NFIA: variants seen among roughly 807,000 people sequenced by gnomAD.
NFIA encodes nuclear factor I A, also known as nuclear factor 1 A-type.
Under a neutral mutation model 62.8 loss-of-function variants are expected in NFIA, and 8 were observed. The observed-to-expected ratio is 0.13, with a 90% CI of 0.07 to 0.23. The LOEUF (loss-of-function observed/expected upper bound fraction) is 0.23. NFIA is among the 10% of genes least tolerant of loss of function. The pLI is 1.00. For synonymous variants in NFIA, 235 were observed against 238.1 expected, an observed-to-expected ratio of 0.99 and a Z score of 0.12; for missense variants, 410 against 642.1, an observed-to-expected ratio of 0.64 and a Z score of 3.91.
intron 2 of NFIA, among the ~76,000 whole-genome samples, chr1:61,268,284 C>A (rs1300481607): frequency 6.6e-6 from 1 of 152,164 alleles, no homozygotes; most frequent in South Asian, 2.1e-4. Flanking sequence ...TACTCCTATC[C>A]TTTCACAGAA....
rs1668574659 is a variant in NFIA at position 61,462,226 on chromosome 1, C to T, written c.*6906C>T. ...CTCGCCACTGAGATACTAACTAGAC[C>T]TAGACTAGGAGCTTTATCAGGTTCT... On this transcript the variant is annotated 3_prime_UTR_variant, in exon 11 of 11. Coordinates refer to ENST00000403491, the MANE Select transcript of NFIA (RefSeq NM_001134673.4). 1 of 152,020 alleles carries T rather than the reference C, an allele frequency of 6.6e-6. No homozygotes were observed. Among genetic ancestry groups the T allele is most frequent in the Admixed American group, 6.5e-5 (1 of 15,280 alleles). 9.4% of individuals were successfully genotyped at this position (152,020 alleles called of 1,614,324 possible).
intron 2 of NFIA, among the ~76,000 whole-genome samples, chr1:61,101,084 A>G (rs973190418): frequency 2.0e-5 from 3 of 152,102 alleles, no homozygotes; most frequent in African/African-American, 7.2e-5. Flanking sequence ...AAGATGGTGC[A>G]GGTGCTTTCT....
At chr1:61,380,332 T>C (rs1241513800) in intron 6 of NFIA, among the ~76,000 whole-genome samples, 3 of 152,220 alleles carry the variant, frequency 2.0e-5, no homozygotes, top group Non-Finnish European at 4.4e-5. Flanking sequence ...AGTCTTTTTT[T>C]AAAAATCTGG....
intron 4 of NFIA, among the ~76,000 whole-genome samples, chr1:61,346,127 C>T (rs1339597348): frequency 6.6e-6 from 1 of 152,034 alleles, no homozygotes; most frequent in African/African-American, 2.4e-5. Context: ...TGCATCTCAA[C>T]CTAGATAGGG....
At chr1:61,176,820 T>A (rs1396922535) in intron 2 of NFIA, among the ~76,000 whole-genome samples, 2 of 152,130 alleles carry the variant, frequency 1.3e-5, no homozygotes, top group Non-Finnish European at 2.9e-5. Flanking sequence ...CAAGAGATAC[T>A]TGGGCTGGGC....
chr1:61,306,067 G>A (rs1323511435), intron 3 of NFIA, among the ~76,000 whole-genome samples: 2 of 151,454 alleles, frequency 1.3e-5, no homozygotes, highest in Non-Finnish European at 2.9e-5. Context: ...AGCCAGGATG[G>A]TCTCAATCTC....
intron 2 of NFIA, among the ~76,000 whole-genome samples, chr1:61,133,410 G>A (rs1647117235): frequency 6.6e-6 from 1 of 152,044 alleles, no homozygotes; most frequent in Non-Finnish European, 1.5e-5. Context: ...TTAAACTATA[G>A]TTATTATAAA....
intron 3 of NFIA, among the ~76,000 whole-genome samples, chr1:61,298,999 T>C (rs1009995064): frequency 1.3e-5 from 2 of 152,182 alleles, no homozygotes; most frequent in Non-Finnish European, 2.9e-5. Flanking sequence ...TTTTGAAATT[T>C]TTGAGACCTG....
chr1:61,080,471 A>G (rs577223480), upstream of NFIA, among the ~76,000 whole-genome samples: 608 of 152,342 alleles, frequency 4.0e-3, 6 homozygotes, highest in African/African-American at 0.014. Flanking sequence ...ACTCTGAACA[A>G]TAACTTTTCA....
At chr1:61,137,093 A>G (rs1647208907) in intron 2 of NFIA, among the ~76,000 whole-genome samples, 1 of 152,182 alleles carries the variant, frequency 6.6e-6, no homozygotes, top group African/African-American at 2.4e-5. Context: ...AATCTTATGG[A>G]TCAAGATAAG....
intron 2 of NFIA, among the ~76,000 whole-genome samples, chr1:61,133,962 C>CT (rs1219026540): frequency 6.6e-6 from 1 of 151,970 alleles, no homozygotes; most frequent in East Asian, 1.9e-4. Flanking sequence ...ATCTCTCTAA[C>CT]TAAAAATACA....
At chr1:61,333,623 G>A (rs574519414) in intron 4 of NFIA, among the ~76,000 whole-genome samples, 3 of 152,324 alleles carry the variant, frequency 2.0e-5, no homozygotes, top group Admixed American at 2.0e-4. Context: ...GTTAATCCTT[G>A]CAATAAGCTT....
chr1:61,087,929 G>A (rs1257918025), intron 1 of NFIA, among the ~76,000 whole-genome samples: 1 of 152,066 alleles, frequency 6.6e-6, no homozygotes, highest in African/African-American at 2.4e-5. Flanking sequence ...TTAATTTTCA[G>A]CAGTTTTTTT....
chr1:61,173,064 C>G (rs913435684), intron 2 of NFIA, among the ~76,000 whole-genome samples: 1 of 152,168 alleles, frequency 6.6e-6, no homozygotes, highest in Non-Finnish European at 1.5e-5. Context: ...CTTGTAAGTC[C>G]TACCCAGGGT....
At chr1:61,356,482 G>A (rs1381363801) in intron 5 of NFIA, among the ~76,000 whole-genome samples, 1 of 152,162 alleles carries the variant, frequency 6.6e-6, no homozygotes, top group Non-Finnish European at 1.5e-5. Flanking sequence ...GTTTAGCCCT[G>A]AGCTTCCTGG....
rs60735193 is a variant in NFIA, at chr1:61,379,402, CTTTTTTTTT to C, written c.947-3819_947-3811del. On this transcript the variant is annotated intron_variant, in intron 6 of 10. Coordinates refer to ENST00000403491, the MANE Select transcript of NFIA (RefSeq NM_001134673.4). ...CACACTCAGCTAACTTTTTCTTTTT[CTTTTTTTTT>C]TTTTTTTTTTTTTTTGAGATGGAAT... Among the ~76,000 whole-genome samples the C allele has an allele frequency of 1.2e-3, 114 of 98,252 alleles. 1 individual carries two copies. The highest frequency in any genetic ancestry group is 1.9e-3 in the Non-Finnish European group (98 of 51,260). 64.5% of individuals were successfully genotyped at this position (98,252 alleles called of 152,430 possible).
chr1:61,328,268 CT>C (rs1358326618), intron 3 of NFIA, among the ~76,000 whole-genome samples: 1 of 151,968 alleles, frequency 6.6e-6, no homozygotes, highest in Non-Finnish European at 1.5e-5. Context: ...GCCTCAGGGC[CT>C]TTGCTCATGT....
At chr1:61,436,602 A>G (rs1015877689) in intron 10 of NFIA, among the ~76,000 whole-genome samples, 5 of 152,196 alleles carry the variant, frequency 3.3e-5, no homozygotes, top group African/African-American at 1.2e-4. Flanking sequence ...TGTGAGATCC[A>G]TCGAAGATCT....
At chr1:61,366,100 GTCT>G (rs1278197317) in intron 6 of NFIA, among the ~76,000 whole-genome samples, 1 of 152,110 alleles carries the variant, frequency 6.6e-6, no homozygotes, top group African/African-American at 2.4e-5. Context: ...ATAAATTTAA[GTCT>G]TCTTCCTAAG....
Sources: allele counts gnomAD v4.1 joint callset (sites outside exome capture counted in the v4.1 genomes callset), GRCh38; gene constraint gnomAD v4.1.1; transcripts MANE v1.5; gene names NCBI Gene and HGNC (gene_info 2026-07-23, HGNC 2026-07-21).